The following CYP20A1 variants were observed in gnomAD, a reference collection of about 807,000 sequenced individuals.
CYP20A1 encodes cytochrome P450 family 20 subfamily A member 1.
In CYP20A1, 61 loss-of-function variants were observed where a neutral mutation model predicts 61.4. The ratio of observed to expected loss-of-function variants is 0.99; its 90% CI spans 0.81 to 1.23. CYP20A1 has a LOEUF of 1.23. Among genes scored for constraint, CYP20A1 ranks in the 50% most tolerant of loss-of-function variants. The probability of loss-of-function intolerance (pLI) is 0.00; values close to 1 mark genes in which losing one functional copy is unlikely to be tolerated. For missense variants in CYP20A1, 530 were observed against 542.4 expected, an observed-to-expected ratio of 0.98 and a Z score of 0.23; for synonymous variants, 193 against 188.2, an observed-to-expected ratio of 1.03 and a Z score of -0.21.
intron 8 of CYP20A1, among the ~76,000 whole-genome samples, chr2:203,284,946 A>G (rs1290810325): frequency 2.6e-5 from 4 of 151,640 alleles, no homozygotes; most frequent in Admixed American, 6.6e-5. Flanking sequence ...GGGTTTTGCC[A>G]TGTTGCCCAG....
chr2:203,269,288 T>A (rs558987123), intron 5 of CYP20A1, among the ~76,000 whole-genome samples: 2 of 149,548 alleles, frequency 1.3e-5, no homozygotes, highest in South Asian at 4.3e-4. Flanking sequence ...AATTTTTTTT[T>A]TTTTTTTTTT....
At chr2:203,242,214 G>C (rs2066277997) in intron 1 of CYP20A1, among the ~76,000 whole-genome samples, 2 of 152,010 alleles carry the variant, frequency 1.3e-5, no homozygotes, top group Admixed American at 6.6e-5. Flanking sequence ...TCGAACTTCT[G>C]GGCTGAAGTG....
chr2:203,270,296 T>C (rs1449767771), intron 5 of CYP20A1, among the ~76,000 whole-genome samples: 1 of 152,148 alleles, frequency 6.6e-6, no homozygotes, highest in African/African-American at 2.4e-5. Context: ...TTTATACTTT[T>C]GTTAAACACT....
chr2:203,258,057 C>T (rs2066990834), intron 4 of CYP20A1, among the ~76,000 whole-genome samples: 1 of 52,844 alleles, frequency 1.9e-5, no homozygotes, highest in South Asian at 1.2e-3. Context: ...ACGTGCCACC[C>T]TGCCCAGCTA....
In CYP20A1 at chr2:203,301,914, C is replaced by CTTTTTTTT. The variant is rs763764173; in HGVS notation, c.*5021_*5028dup. The stretch of plus-strand genomic sequence containing the variant: ...TTTGAAGTTAACCACTGTTAAGATT[C>CTTTTTTTT]TTTTTTTTTTTTTTTTTTTTTTGTT... On this transcript the variant is annotated 3_prime_UTR_variant, in exon 13 of 13. Transcript: ENST00000356079. Among the ~76,000 whole-genome samples the CTTTTTTTT allele has an allele frequency of 0.012, 1,242 of 103,472 alleles. 2 individuals are homozygous for CTTTTTTTT. Among genetic ancestry groups the CTTTTTTTT allele is most frequent in the Middle Eastern group, 0.016 (2 of 128 alleles). 67.9% of individuals were successfully genotyped at this position (103,472 alleles called of 152,430 possible).
intron 1 of CYP20A1, among the ~76,000 whole-genome samples, chr2:203,240,218 T>G (rs1402803473): frequency 1.3e-5 from 2 of 152,242 alleles, no homozygotes; most frequent in Non-Finnish European, 2.9e-5. Context: ...AATGTTCTTT[T>G]CCGAGCAGGT....
At chr2:203,251,038 T>A (rs1314161574) in intron 3 of CYP20A1, among the ~76,000 whole-genome samples, 2 of 100,888 alleles carry the variant, frequency 2.0e-5, no homozygotes, top group Non-Finnish European at 3.6e-5. Flanking sequence ...CACTCCAGCC[T>A]GGGGGACAGA....
Position 203,299,462 on chromosome 2 carries a change from T to A in CYP20A1, c.*2554T>A, listed in dbSNP as rs1382443487. Among the ~76,000 whole-genome samples, 3 of 152,174 alleles carry A rather than the reference T, an allele frequency of 2.0e-5. No individual in the cohort carries two copies. In the East Asian group the frequency reaches 5.8e-4, roughly 29 times the overall value. ...AAATCCCTTTGTTGTTGAGTTATTTTATGTCATTTATTGGTAAATACCTAA... is the reference window on the plus strand; with the variant it reads ...AAATCCCTTTGTTGTTGAGTTATTTAATGTCATTTATTGGTAAATACCTAA... On this transcript the variant is annotated 3_prime_UTR_variant, in exon 13 of 13. Coordinates refer to ENST00000356079, the MANE Select transcript of CYP20A1 (RefSeq NM_177538.3).
rs1308975382 is a variant in CYP20A1, at chr2:203,243,270, A to T, written c.73-2576A>T. On this transcript the variant is annotated intron_variant, in intron 1 of 12. Transcript: ENST00000356079. ...GCGATTCTCCCACCTCATCCTCCCG[A>T]GAAGCTGAGAGTACAGGCGTGTGCC... Among the ~76,000 whole-genome samples, 4 of 151,304 alleles carry T rather than the reference A, an allele frequency of 2.6e-5. No individual in the cohort carries two copies. In the East Asian group the frequency reaches 7.8e-4, roughly 30 times the overall value.
chr2:203,245,768 C>T, intron 1 of CYP20A1, 78 bp from the exon 2 acceptor site: 2 of 724,706 alleles, frequency 2.8e-6, no homozygotes, highest in Non-Finnish European at 4.6e-6. Context: ...TATTTAAGGT[C>T]CTGCAGATGT....
At chr2:203,296,700 G>A in intron 12 of CYP20A1, 58 bp from the exon 13 acceptor site, 1 of 1,539,980 alleles carries the variant, frequency 6.5e-7, no homozygotes, top group African/African-American at 1.4e-5. Context: ...TGCAGAACGT[G>A]CAGGTTTAAA....
At chr2:203,250,338 C>T (rs1326409311) in intron 3 of CYP20A1, among the ~76,000 whole-genome samples, 1 of 152,110 alleles carries the variant, frequency 6.6e-6, no homozygotes, top group Non-Finnish European at 1.5e-5. Context: ...ATTTAATTCT[C>T]AGAACAACTT....
chr2:203,281,800 CA>C (rs923698060), intron 8 of CYP20A1, among the ~76,000 whole-genome samples: 3 of 144,938 alleles, frequency 2.1e-5, no homozygotes, highest in African/African-American at 7.6e-5. Context: ...CACTCTGTCT[CA>C]AAAAAAAACA....
chr2:203,239,211 C>T (rs953750274), intron 1 of CYP20A1, 77 bp downstream of exon 1: 63 of 1,248,068 alleles, frequency 5.0e-5, no homozygotes, highest in Non-Finnish European at 7.3e-5. Context: ...GCCAACCTGC[C>T]CGCTGCGGGC....
intron 4 of CYP20A1, among the ~76,000 whole-genome samples, chr2:203,252,569 A>G (rs1186155419): frequency 6.6e-6 from 1 of 151,790 alleles, no homozygotes; most frequent in African/African-American, 2.4e-5. Flanking sequence ...TAATTTTTGT[A>G]TTTTTAGTAG....
intron 4 of CYP20A1, among the ~76,000 whole-genome samples, chr2:203,254,299 A>G (rs2066813616): frequency 6.6e-6 from 1 of 152,044 alleles, no homozygotes; most frequent in African/African-American, 2.4e-5. Context: ...GAATGAATGC[A>G]TATTTATTTT....
In CYP20A1 at chr2:203,296,931, T is replaced by G. The variant is rs569218648; in HGVS notation, c.*23T>G. 5.9e-6 allele frequency: 8 copies of G among 1,366,474 alleles called. No individual in the cohort carries two copies. In the East Asian group the frequency reaches 2.0e-4, roughly 34 times the overall value. 84.6% of individuals were successfully genotyped at this position (1,366,474 alleles called of 1,614,324 possible). On this transcript the variant is annotated 3_prime_UTR_variant, in exon 13 of 13. Coordinates refer to ENST00000356079, the MANE Select transcript of CYP20A1 (RefSeq NM_177538.3). ...TAAAATTTTATACATTTAAAATCAT[T>G]GTTAAATTGATTGAGGAAAACAACC... is the stretch of plus-strand genomic sequence containing the variant.
rs1219510562 is a variant in CYP20A1, at chr2:203,302,982, C to T, written c.*6074C>T. Among the ~76,000 whole-genome samples the T allele has an allele frequency of 2.6e-5, 4 of 151,398 alleles. No homozygotes were observed. The highest frequency in any genetic ancestry group is 2.0e-4 in the East Asian group (1 of 5,122). On this transcript the variant is annotated 3_prime_UTR_variant, in exon 13 of 13. Transcript: ENST00000356079. ...CTGGGATTACAAGCATGAGCCACCG[C>T]GCTCGGTCCCTTTCTTTTTATTTAT...
intron 4 of CYP20A1, among the ~76,000 whole-genome samples, chr2:203,257,939 T>C (rs2066956246): frequency 1.7e-5 from 1 of 59,254 alleles, no homozygotes; most frequent in Non-Finnish European, 6.2e-5. Context: ...TCTCGCACTG[T>C]TGCCTGGGCT....
Sources: gnomAD v4.1 joint callset for allele counts (sites outside exome capture counted in the v4.1 genomes callset) on GRCh38, gnomAD v4.1.1 for gene constraint, MANE v1.5 for transcripts, NCBI Gene and HGNC (gene_info 2026-07-23, HGNC 2026-07-21) for gene names.